The following EPHX2 variants were observed in gnomAD, a reference collection of about 807,000 sequenced individuals.
The protein encoded by EPHX2 is bifunctional epoxide hydrolase 2.
In EPHX2, 74 loss-of-function variants were observed where a neutral mutation model predicts 78.7. The observed-to-expected ratio is 0.94, with a 90% CI of 0.78 to 1.14. EPHX2 has a LOEUF of 1.14. Among genes scored for constraint, EPHX2 ranks in the 50% most tolerant of loss-of-function variants. EPHX2 has a pLI of 0.00. For missense variants in EPHX2, 715 were observed against 702.5 expected (o/e 1.02, Z -0.20); for synonymous variants, 251 against 255.2 (o/e 0.98, Z 0.16).
intron 12 of EPHX2, among the ~76,000 whole-genome samples, chr8:27,526,432 G>C (rs1046924683): frequency 6.6e-6 from 1 of 152,198 alleles, no homozygotes; most frequent in African/African-American, 2.4e-5. Context: ...GCCACAGCCT[G>C]GTGTGTGGGA....
intron 11 of EPHX2, among the ~76,000 whole-genome samples, chr8:27,523,787 C>G (rs1182624769): frequency 6.6e-6 from 1 of 152,120 alleles, no homozygotes; most frequent in Non-Finnish European, 1.5e-5. Flanking sequence ...CTCTCTCATT[C>G]AAAGTGGAAA....
At chr8:27,536,082 A>G (rs1023408984) in intron 12 of EPHX2, among the ~76,000 whole-genome samples, 10 of 152,164 alleles carry the variant, frequency 6.6e-5, no homozygotes, top group Non-Finnish European at 1.0e-4. Context: ...ATTAAATGCC[A>G]TACTGCTCCC....
At chr8:27,502,300 A>G (rs1183982738) in intron 2 of EPHX2, among the ~76,000 whole-genome samples, 1 of 152,206 alleles carries the variant, frequency 6.6e-6, no homozygotes, top group Non-Finnish European at 1.5e-5. Flanking sequence ...ATGACATTCC[A>G]TCACATTCAT....
At position 27,503,980 on chromosome 8, in the gene EPHX2, T is replaced by C. The variant is rs957722712; in HGVS notation, c.346+217T>C. On this transcript the variant is annotated intron_variant, in intron 3 of 18. Transcript: ENST00000521400. ...GGCAGGATTTTACTTAATAAAGCAA[T>C]TGATGCCCATGACTGCCTTGTGAAC... 5.3e-5 allele frequency among the ~76,000 whole-genome samples: 8 copies of C among 152,322 alleles called. No individual in the cohort carries two copies. The East Asian group carries it at 7.7e-4, about 15-fold the overall frequency.
chr8:27,493,174 T>C lies in EPHX2; in HGVS notation c.101+1865T>C, dbSNP rs776482105. ...AAATACAGGGACTGAAGGTGAGTAA[T>C]AGCAAGATGGCTGTCACGGGACCTA... On this transcript the variant is annotated intron_variant, in intron 1 of 18. Coordinates refer to ENST00000521400, the MANE Select transcript of EPHX2 (RefSeq NM_001979.6). 92 of 155,250 alleles carry C rather than the reference T, an allele frequency of 5.9e-4. 2 individuals are homozygous for C. Among genetic ancestry groups the C allele is most frequent in the Middle Eastern group, 3.3e-3 (1 of 300 alleles). The allele number at this position is 155,250 out of a possible 1,614,324, so 9.6% of individuals were successfully genotyped here. A position where few individuals can be genotyped will look rare whatever the true frequency, so the allele number is the denominator to read the frequency against.
intron 1 of EPHX2, among the ~76,000 whole-genome samples, chr8:27,493,771 G>T (rs1813472547): frequency 6.6e-6 from 1 of 152,182 alleles, no homozygotes; most frequent in African/African-American, 2.4e-5. Flanking sequence ...TAAACTGGTT[G>T]TGTATGTTAA....
At chr8:27,532,897 T>A (rs921773753) in intron 12 of EPHX2, among the ~76,000 whole-genome samples, 2 of 152,164 alleles carry the variant, frequency 1.3e-5, no homozygotes, top group African/African-American at 4.8e-5. Context: ...GGAGGATCAC[T>A]TGGCCAGGAC....
chr8:27,500,113 T>C (rs1813710051), intron 1 of EPHX2, among the ~76,000 whole-genome samples: 1 of 152,202 alleles, frequency 6.6e-6, no homozygotes, highest in African/African-American at 2.4e-5. Flanking sequence ...TCCTGTCCAG[T>C]TGTAATCCCT....
At chr8:27,516,499 C>T (rs1814460383) in intron 8 of EPHX2, 101 bp downstream of exon 8, 6 of 1,124,712 alleles carry the variant, frequency 5.3e-6, no homozygotes, top group East Asian at 2.4e-5. Context: ...TCAGAGTAGC[C>T]TTCCCCTTAA....
intron 8 of EPHX2, among the ~76,000 whole-genome samples, chr8:27,516,864 G>A (rs1001594220): frequency 2.0e-5 from 3 of 151,512 alleles, no homozygotes; most frequent in Admixed American, 6.6e-5. Flanking sequence ...CTTTCACTTA[G>A]CATAATGTCC....
chr8:27,508,220 T>C (rs1814088865), intron 5 of EPHX2, among the ~76,000 whole-genome samples: 1 of 152,172 alleles, frequency 6.6e-6, no homozygotes, highest in African/African-American at 2.4e-5. Context: ...CGAGAATAGC[T>C]TGAACCCAGG....
At chr8:27,543,672 G>GC in intron 16 of EPHX2, 77 bp from the exon 17 acceptor site, 1 of 1,454,714 alleles carries the variant, frequency 6.9e-7, no homozygotes, top group Non-Finnish European at 9.6e-7. Flanking sequence ...AGGGTGGCGA[G>GC]CAGGGGTCTT....
At chr8:27,508,946 C>CT (rs34748947) in intron 5 of EPHX2, among the ~76,000 whole-genome samples, 1,873 of 64,314 alleles carry the variant, frequency 0.029, 410 homozygotes, top group African/African-American at 0.039. Flanking sequence ...CCCCATCCTG[C>CT]TTTTTTTTTT....
At chr8:27,537,681 TAG>T in intron 13 of EPHX2, among the ~76,000 whole-genome samples, 1 of 152,344 alleles carries the variant, frequency 6.6e-6, no homozygotes, top group Middle Eastern at 3.4e-3. Context: ...TCTCTTTTGA[TAG>T]AGTCTTGTTG....
At chr8:27,502,785 G>A (rs539797605) in intron 2 of EPHX2, among the ~76,000 whole-genome samples, 29 of 152,214 alleles carry the variant, frequency 1.9e-4, no homozygotes, top group African/African-American at 5.1e-4. Flanking sequence ...ATTAAGATTC[G>A]TCATAATGAC....
chr8:27,509,793 T>C (rs1814166817), intron 5 of EPHX2, among the ~76,000 whole-genome samples: 1 of 152,220 alleles, frequency 6.6e-6, no homozygotes, highest in African/African-American at 2.4e-5. Flanking sequence ...CCTGCGTCTG[T>C]TTCTCAGAGG....
chr8:27,497,788 T>C (rs1399892543), intron 1 of EPHX2, among the ~76,000 whole-genome samples: 1 of 152,218 alleles, frequency 6.6e-6, no homozygotes, highest in African/African-American at 2.4e-5. Context: ...GAATAATTCA[T>C]GGGCTTTTTC....
intron 10 of EPHX2, among the ~76,000 whole-genome samples, chr8:27,522,009 A>G (rs1404484610): frequency 3.9e-5 from 6 of 152,170 alleles, no homozygotes; most frequent in Non-Finnish European, 1.5e-5. Context: ...GGGACTTTTA[A>G]TGGTTGTTTA....
At chr8:27,526,930 GT>G (rs1814865951) in intron 12 of EPHX2, among the ~76,000 whole-genome samples, 2 of 151,846 alleles carry the variant, frequency 1.3e-5, no homozygotes, top group Admixed American at 1.3e-4. Context: ...TTTTGTGTGT[GT>G]ATTTTTTATT....
Sources: gnomAD v4.1 joint callset for allele counts (sites outside exome capture counted in the v4.1 genomes callset) on GRCh38, gnomAD v4.1.1 for gene constraint, MANE v1.5 for transcripts, NCBI Gene and HGNC (gene_info 2026-07-23, HGNC 2026-07-21) for gene names.